PTBP3: variants seen among roughly 807,000 people sequenced by gnomAD.
PTBP3 encodes the protein polypyrimidine tract-binding protein 3.
A neutral mutation model predicts 58.7 loss-of-function variants in PTBP3; 20 were observed. The ratio of observed to expected loss-of-function variants is 0.34; its 90% CI spans 0.24 to 0.50. PTBP3 has a LOEUF of 0.50. Among genes scored for constraint, PTBP3 ranks in the 20% least tolerant of loss-of-function variants. The pLI is 0.98. For synonymous variants in PTBP3, 185 were observed against 219.8 expected, an observed-to-expected ratio of 0.84 and a Z score of 1.40; for missense variants, 509 against 637.2, an observed-to-expected ratio of 0.80 and a Z score of 2.17.
intron 5 of PTBP3, among the ~76,000 whole-genome samples, chr9:112,256,288 TA>T (rs1564409782): frequency 3.5e-4 from 49 of 141,590 alleles, no homozygotes; most frequent in Middle Eastern, 3.7e-3. Context: ...TATATATATA[TA>T]TATACATATA....
rs148153419 is a variant in PTBP3 at position 112,219,008 on chromosome 9, C to A, written c.*4843G>T. On this transcript the variant is annotated 3_prime_UTR_variant, in exon 14 of 14. Transcript: ENST00000374257. ...GAAAATGCCCATCAAACTCGTCATC[C>A]TAATCCATTCTGTTCACACTGAAAC... 1.3e-5 allele frequency: 2 copies of A among 152,474 alleles called. No homozygotes were observed. Among genetic ancestry groups the A allele is most frequent in the Admixed American group, 6.5e-5 (1 of 15,284 alleles). The allele number at this position is 152,474 out of a possible 1,614,324, so 9.4% of individuals were successfully genotyped here. A position where few individuals can be genotyped will look rare whatever the true frequency, so the allele number is the denominator to read the frequency against.
intron 5 of PTBP3, among the ~76,000 whole-genome samples, chr9:112,258,389 C>T (rs973886579): frequency 3.3e-5 from 5 of 152,146 alleles, no homozygotes; most frequent in East Asian, 1.9e-4. Context: ...ACCACACCTA[C>T]GCTGAAGGTT....
the PTBP3 span, among the ~76,000 whole-genome samples, chr9:112,355,378 T>C: frequency 6.6e-6 from 1 of 152,188 alleles, no homozygotes. Context: ...TTGTGATAAT[T>C]TTATCTTCAG....
At chr9:112,232,755 T>C (rs1245568637) in intron 8 of PTBP3, among the ~76,000 whole-genome samples, 1 of 152,178 alleles carries the variant, frequency 6.6e-6, no homozygotes, top group African/African-American at 2.4e-5. Context: ...CTGACCAAAA[T>C]AGATATTTAC....
At chr9:112,307,605 A>AAAAAC (rs1234242050) in intron 1 of PTBP3, among the ~76,000 whole-genome samples, 12 of 152,236 alleles carry the variant, frequency 7.9e-5, no homozygotes, top group African/African-American at 2.9e-4. Context: ...TCAGAACATG[A>AAAAAC]AAAACAAAAG....
intron 1 of PTBP3, among the ~76,000 whole-genome samples, chr9:112,311,886 C>T (rs889611717): frequency 2.6e-5 from 4 of 152,112 alleles, no homozygotes; most frequent in Non-Finnish European, 5.9e-5. Context: ...ACGTTGGAGG[C>T]TGCAGTGCTC....
the PTBP3 span, among the ~76,000 whole-genome samples, chr9:112,358,327 G>A: frequency 6.6e-6 from 1 of 151,984 alleles, no homozygotes; most frequent in Non-Finnish European, 1.5e-5. Context: ...AAAACAAACT[G>A]GAAGGAGGGT....
intron 7 of PTBP3, among the ~76,000 whole-genome samples, chr9:112,239,848 AGGGAGGGAGGG>A (rs1835580642): frequency 4.4e-5 from 1 of 22,760 alleles, no homozygotes; most frequent in African/African-American, 2.3e-4. Flanking sequence ...GGAGGGAGGG[AGGGAGGGAGGG>A]AGGGAGGGAG....
intron 2 of PTBP3, 53 bp from the exon 3 acceptor site, chr9:112,276,066 T>C: frequency 2.0e-6 from 3 of 1,483,476 alleles, no homozygotes; most frequent in Non-Finnish European, 2.8e-6. Flanking sequence ...TGGGTTGACA[T>C]ACTACATTAA....
the PTBP3 span, among the ~76,000 whole-genome samples, chr9:112,358,523 T>G: frequency 6.6e-6 from 1 of 152,242 alleles, no homozygotes; most frequent in African/African-American, 2.4e-5. Context: ...GTGTATATCC[T>G]CTGAGCAAAC....
intron 1 of PTBP3, among the ~76,000 whole-genome samples, chr9:112,319,889 G>A (rs543042207): frequency 1.1e-4 from 17 of 152,244 alleles, no homozygotes; most frequent in Admixed American, 2.0e-4. Flanking sequence ...GGATAAACCC[G>A]GAGGACACTG....
At position 112,220,923 on chromosome 9, in the gene PTBP3, A is replaced by T. The variant is rs966999982; in HGVS notation, c.*2928T>A. 3.1e-6 allele frequency: 3 copies of T among 965,826 alleles called. No individual in the cohort carries two copies. In the Admixed American group the frequency reaches 1.8e-4, roughly 59 times the overall value. The allele number at this position is 965,826 out of a possible 1,614,324, so 59.8% of individuals were successfully genotyped here. A position where few individuals can be genotyped will look rare whatever the true frequency, so the allele number is the denominator to read the frequency against. On this transcript the variant is annotated 3_prime_UTR_variant, in exon 14 of 14. Coordinates refer to ENST00000374257, the MANE Select transcript of PTBP3 (RefSeq NM_001163788.4). ...TACGGTAGATCAACAGAGAAAAACCATTGCTAGAAGATACTGAATAAATGC... is the reference window on the plus strand; with the variant it reads ...TACGGTAGATCAACAGAGAAAAACCTTTGCTAGAAGATACTGAATAAATGC...
the PTBP3 span, among the ~76,000 whole-genome samples, chr9:112,371,175 A>T: frequency 6.6e-6 from 1 of 152,212 alleles, no homozygotes; most frequent in African/African-American, 2.4e-5. Context: ...TGCCCAAAGT[A>T]GACATCTTTG....
chr9:112,307,672 TAACCACAA>T (rs1829280078), intron 1 of PTBP3, among the ~76,000 whole-genome samples: 1 of 152,216 alleles, frequency 6.6e-6, no homozygotes, highest in South Asian at 2.1e-4. Context: ...ATAATTCTGA[TAACCACAA>T]TTTTCTAGCC....
At chr9:112,270,976 G>A (rs1375433181) in intron 3 of PTBP3, among the ~76,000 whole-genome samples, 6 of 151,950 alleles carry the variant, frequency 3.9e-5, no homozygotes, top group African/African-American at 7.3e-5. Flanking sequence ...ACAGGTGCAC[G>A]CCACCACACC....
chr9:112,338,000 A>T (rs182900337), upstream of PTBP3, among the ~76,000 whole-genome samples: 1 of 152,380 alleles, frequency 6.6e-6, no homozygotes, highest in African/African-American at 2.4e-5. Context: ...ATCATAATTA[A>T]CATTGCATTT....
the PTBP3 span, among the ~76,000 whole-genome samples, chr9:112,373,900 T>C: frequency 6.6e-6 from 1 of 152,252 alleles, no homozygotes; most frequent in Non-Finnish European, 1.5e-5. Context: ...CACGTGGTCA[T>C]AGCTGGTATT....
rs1265193333 is a variant in PTBP3, at chr9:112,255,372, T to C, written c.517-2584A>G. On this transcript the variant is annotated intron_variant, in intron 5 of 13. Transcript: ENST00000374257. ...AAAATAGTTAAAACAGTAAAATTCA[T>C]GTTATATATATTTTGCCACTTGAAT... is the stretch of plus-strand genomic sequence containing the variant. Among the ~76,000 whole-genome samples the C allele has an allele frequency of 5.9e-5, 9 of 152,206 alleles. No individual in the cohort carries two copies. The South Asian group carries it at 1.2e-3, about 21-fold the overall frequency.
intron 7 of PTBP3, among the ~76,000 whole-genome samples, chr9:112,247,893 TAC>T (rs1383883698): frequency 2.6e-5 from 4 of 152,248 alleles, no homozygotes; most frequent in Middle Eastern, 3.4e-3. Flanking sequence ...AAAATAAATA[TAC>T]ACACACATGC....
Sources: gnomAD v4.1 joint callset for allele counts (sites outside exome capture counted in the v4.1 genomes callset) on GRCh38, gnomAD v4.1.1 for gene constraint, MANE v1.5 for transcripts, NCBI Gene and HGNC (gene_info 2026-07-23, HGNC 2026-07-21) for gene names.